Variants in ROBO2 observed in about 807,000 individuals in gnomAD.
ROBO2 encodes the protein roundabout homolog 2.
A neutral mutation model predicts 160.8 loss-of-function variants in ROBO2; 53 were observed. The ratio of observed to expected loss-of-function variants is 0.33; its 90% confidence interval spans 0.26 to 0.41. The LOEUF (loss-of-function observed/expected upper bound fraction) is 0.41. Among genes scored for constraint, ROBO2 ranks in the 10% least tolerant of loss-of-function variants. The pLI is 1.00. For synonymous variants in ROBO2, 664 were observed against 611.7 expected (o/e 1.09, Z -1.26); for missense variants, 1,577 against 1,722.4 (o/e 0.92, Z 1.49).
intron 2 of ROBO2, among the ~76,000 whole-genome samples, chr3:76,384,302 T>G (rs2076777636): frequency 6.6e-6 from 1 of 152,212 alleles, no homozygotes; most frequent in African/African-American, 2.4e-5. Context: ...AGTAGCTTAG[T>G]TCTGGCTTTA....
chr3:77,335,831 G>A (rs1307031737), intron 2 of ROBO2, among the ~76,000 whole-genome samples: 3 of 152,198 alleles, frequency 2.0e-5, no homozygotes, highest in African/African-American at 7.2e-5. Flanking sequence ...CTGACACTAC[G>A]ATAGAAGAGA....
intron 2 of ROBO2, among the ~76,000 whole-genome samples, chr3:77,018,405 A>C (rs1235118939): frequency 6.6e-6 from 1 of 152,228 alleles, no homozygotes; most frequent in Non-Finnish European, 1.5e-5. Context: ...AATATATCCT[A>C]TTTCTAACAT....
chr3:76,413,198 A>C (rs1247161798), intron 2 of ROBO2, among the ~76,000 whole-genome samples: 1 of 152,132 alleles, frequency 6.6e-6, no homozygotes, highest in Non-Finnish European at 1.5e-5. Context: ...CCTGCCCACG[A>C]AACCACTTTT....
At chr3:75,968,445 TAA>T (rs2064877156) in intron 2 of ROBO2, among the ~76,000 whole-genome samples, 4 of 151,718 alleles carry the variant, frequency 2.6e-5, no homozygotes, top group Admixed American at 2.6e-4. Context: ...TATAAATTGT[TAA>T]GTTTTGATAA....
At chr3:77,200,685 G>C (rs1408912292) in intron 2 of ROBO2, among the ~76,000 whole-genome samples, 3 of 151,898 alleles carry the variant, frequency 2.0e-5, no homozygotes, top group Non-Finnish European at 2.9e-5. Flanking sequence ...ATATGACTTT[G>C]GACAATGAAA....
intron 2 of ROBO2, among the ~76,000 whole-genome samples, chr3:76,046,334 A>C (rs72892612): frequency 0.049 from 7,382 of 152,002 alleles, 489 homozygotes; most frequent in African/African-American, 0.13. Context: ...AATCTATTTC[A>C]AGATGAAGTG....
Position 76,513,444 on chromosome 3 carries a change from C to A in ROBO2, c.109+575842C>A, listed in dbSNP as rs557449622. Among the ~76,000 whole-genome samples, 419 of 152,190 alleles carry A rather than the reference C, an allele frequency of 2.8e-3. 1 individual carries two copies. The highest frequency in any genetic ancestry group is 6.8e-3 in the Middle Eastern group (2 of 294). On this transcript the variant is annotated intron_variant, in intron 2 of 26. Coordinates refer to the ROBO2 transcript ENST00000487694. Reference sequence around the variant, plus strand: ...CTCAGCTCACTGTAACCTCCACCTCCTTCCTGGGTTCAAGCGATTCTCCTG... The same window carrying A: ...CTCAGCTCACTGTAACCTCCACCTCATTCCTGGGTTCAAGCGATTCTCCTG...
intron 2 of ROBO2, among the ~76,000 whole-genome samples, chr3:77,448,464 C>T (rs1357149265): frequency 6.6e-6 from 1 of 152,076 alleles, no homozygotes; most frequent in Admixed American, 6.6e-5. Context: ...CAAAGTCGGC[C>T]CTAATCTCTG....
chr3:76,787,330 A>ACACT (rs1408355691), intron 2 of ROBO2, among the ~76,000 whole-genome samples: 7 of 111,480 alleles, frequency 6.3e-5, no homozygotes, highest in African/African-American at 1.7e-4. Flanking sequence ...TAAACACACC[A>ACACT]CACACACACA....
chr3:76,782,459 G>C (rs913631177), intron 2 of ROBO2, among the ~76,000 whole-genome samples: 1 of 150,614 alleles, frequency 6.6e-6, no homozygotes, highest in Non-Finnish European at 1.5e-5. Flanking sequence ...TAGATAATCT[G>C]TCCTTGTTAA....
At chr3:76,646,195 T>TA (rs1479882796) in intron 2 of ROBO2, among the ~76,000 whole-genome samples, 1 of 152,174 alleles carries the variant, frequency 6.6e-6, no homozygotes, top group Non-Finnish European at 1.5e-5. Flanking sequence ...GCTTTGGAGA[T>TA]ACCCTTGTAG....
intron 1 of ROBO2, among the ~76,000 whole-genome samples, chr3:75,915,910 C>T (rs780859441): frequency 1.2e-4 from 18 of 152,142 alleles, no homozygotes; most frequent in Middle Eastern, 3.2e-3. Context: ...ACTAAACTCA[C>T]GTTTTCTAAA....
chr3:76,691,535 T>G (rs141047468), intron 2 of ROBO2, among the ~76,000 whole-genome samples: 128 of 151,986 alleles, frequency 8.4e-4, no homozygotes, highest in Non-Finnish European at 1.5e-3. Flanking sequence ...AAAATGATAA[T>G]TGGGAATGGA....
At position 76,165,529 on chromosome 3, in the gene ROBO2, C is replaced by T. The variant is rs559237841; in HGVS notation, c.109+227927C>T. Among the ~76,000 whole-genome samples the T allele has an allele frequency of 1.4e-4, 21 of 152,224 alleles. No individual in the cohort carries two copies. The South Asian group carries it at 2.7e-3, about 20-fold the overall frequency. Reference sequence around the variant, plus strand: ...TTGTCTTTCTTAACATTCATTTGTTCACTGGAGTAGCACTTTAAATTTTCT... The same window carrying T: ...TTGTCTTTCTTAACATTCATTTGTTTACTGGAGTAGCACTTTAAATTTTCT... On this transcript the variant is annotated intron_variant, in intron 2 of 26. Transcript: ENST00000487694.
At chr3:77,519,602 A>G (rs1263999081) in intron 5 of ROBO2, among the ~76,000 whole-genome samples, 1 of 151,388 alleles carries the variant, frequency 6.6e-6, no homozygotes, top group African/African-American at 2.4e-5. Flanking sequence ...AAGTGAGAAC[A>G]TGATTTCCTT....
At chr3:77,388,055 C>A (rs551673086) in intron 2 of ROBO2, among the ~76,000 whole-genome samples, 2 of 151,878 alleles carry the variant, frequency 1.3e-5, no homozygotes, top group African/African-American at 4.8e-5. Context: ...TTACCCCTGC[C>A]GAGTGGTCAG....
intron 2 of ROBO2, among the ~76,000 whole-genome samples, chr3:76,547,420 T>G (rs2083170292): frequency 6.6e-6 from 1 of 151,972 alleles, no homozygotes; most frequent in Admixed American, 6.6e-5. Context: ...AAACACAGCT[T>G]TTTTTGAACT....
At chr3:76,575,911 C>A (rs986604060) in intron 2 of ROBO2, among the ~76,000 whole-genome samples, 4 of 149,532 alleles carry the variant, frequency 2.7e-5, no homozygotes, top group Non-Finnish European at 5.9e-5. Context: ...AATATGCTAT[C>A]ATTTTTTTTA....
chr3:77,284,564 C>T (rs1167366565), intron 2 of ROBO2, among the ~76,000 whole-genome samples: 1 of 152,164 alleles, frequency 6.6e-6, no homozygotes, highest in African/African-American at 2.4e-5. Flanking sequence ...TTTCAAACTA[C>T]ATTACTGTAG....
Sources: allele counts gnomAD v4.1 joint callset (sites outside exome capture counted in the v4.1 genomes callset), GRCh38; gene constraint gnomAD v4.1.1; transcripts MANE v1.5; gene names NCBI Gene and HGNC (gene_info 2026-07-23, HGNC 2026-07-21).